OPRM1: variants seen among roughly 807,000 people sequenced by gnomAD.
OPRM1 encodes mu-type opioid receptor.
OPRM1 carries 27 observed loss-of-function variants against 31.8 expected under a neutral mutation model. The observed-to-expected ratio is 0.85, with a 90% CI of 0.63 to 1.17. The LOEUF (loss-of-function observed/expected upper bound fraction) is 1.17, where lower values mean the gene tolerates loss of function less well. OPRM1 is among the 50% of genes most tolerant of loss of function. The probability of loss-of-function intolerance (pLI) is 0.00; values close to 1 mark genes in which losing one functional copy is unlikely to be tolerated. For missense variants in OPRM1, 536 were observed against 511.1 expected, an observed-to-expected ratio of 1.05 and a Z score of -0.47; for synonymous variants, 196 against 189.9, an observed-to-expected ratio of 1.03 and a Z score of -0.26.
At chr6:154,097,103 C>G (rs80105083) in intron 3 of OPRM1, among the ~76,000 whole-genome samples, 2,095 of 152,184 alleles carry the variant, frequency 0.014, 54 homozygotes, top group African/African-American at 0.048. Context: ...TTGGAAAAAG[C>G]CTTAATATTC....
At chr6:154,199,826 G>A (rs1326320692) in intron 3 of OPRM1, 2 of 1,614,086 alleles carry the variant, frequency 1.2e-6, no homozygotes, top group African/African-American at 2.7e-5. Flanking sequence ...GCCTGCCTCT[G>A]AGGGTACAGG....
At chr6:154,214,979 A>C (rs927576460) in intron 3 of OPRM1, among the ~76,000 whole-genome samples, 11 of 152,226 alleles carry the variant, frequency 7.2e-5, no homozygotes, top group Non-Finnish European at 1.6e-4. Context: ...ATCTTGAAAC[A>C]CAAATTTTTA....
chr6:154,122,318 T>C lies in OPRM1; in HGVS notation c.*3597T>C, dbSNP rs2128527437. On this transcript the variant is annotated 3_prime_UTR_variant, in exon 4 of 4. Transcript: ENST00000330432. ...AGAAACATCAAGATTCTTGCCTGGATTCTCAACATAAGTCTTTACTCACAG... is the reference window on the plus strand; with the variant it reads ...AGAAACATCAAGATTCTTGCCTGGACTCTCAACATAAGTCTTTACTCACAG... Among the ~76,000 whole-genome samples, 1 of 152,346 alleles carries C rather than the reference T, an allele frequency of 6.6e-6. No homozygotes were observed. The highest frequency in any genetic ancestry group is 1.9e-4 in the East Asian group (1 of 5,190).
chr6:154,202,884 CG>C (rs1449490784), intron 3 of OPRM1, among the ~76,000 whole-genome samples: 2 of 151,946 alleles, frequency 1.3e-5, no homozygotes, highest in East Asian at 3.8e-4. Flanking sequence ...AGAAGAAACA[CG>C]AAGACTTGGA....
chr6:154,159,917 G>A (rs979511447), intron 3 of OPRM1: 9 of 1,613,470 alleles, frequency 5.6e-6, no homozygotes, highest in African/African-American at 2.7e-5. Flanking sequence ...GGCGAAGCCC[G>A]CTGCTGCTGA....
intron 1 of OPRM1, chr6:154,086,717 C>A (rs1255265680): frequency 1.0e-6 from 1 of 984,926 alleles, no homozygotes. Flanking sequence ...GTAAAGAAAC[C>A]AATTACTTAA....
chr6:154,154,152 CAAG>C (rs1798621069), intron 3 of OPRM1, among the ~76,000 whole-genome samples: 1 of 152,082 alleles, frequency 6.6e-6, no homozygotes, highest in South Asian at 2.1e-4. Flanking sequence ...AGACAGCAGT[CAAG>C]GAGCATGAAT....
chr6:154,110,534 T>C (rs1052845860), intron 3 of OPRM1: 4 of 677,424 alleles, frequency 5.9e-6, no homozygotes, highest in Non-Finnish European at 1.0e-5. Flanking sequence ...GGGTTGCTTA[T>C]GGTTGCTTAA....
At chr6:154,055,191 C>T (rs1237740166) in intron 1 of OPRM1, among the ~76,000 whole-genome samples, 4 of 152,114 alleles carry the variant, frequency 2.6e-5, no homozygotes, top group Admixed American at 6.6e-5. Flanking sequence ...ACTTCAAGAC[C>T]GGCCTGGCCA....
chr6:154,141,256 C>G (rs566842910), intron 3 of OPRM1, among the ~76,000 whole-genome samples: 1 of 152,186 alleles, frequency 6.6e-6, no homozygotes, highest in Non-Finnish European at 1.5e-5. Flanking sequence ...ATAAATCACC[C>G]GCTTATCCCA....
intron 3 of OPRM1, chr6:154,154,491 A>G (rs2128542912): frequency 6.6e-6 from 1 of 152,328 alleles, no homozygotes; most frequent in South Asian, 2.1e-4. Flanking sequence ...TATTGTTGAA[A>G]CAGATTTCCA....
At chr6:154,161,411 A>G (rs1167644606) in intron 3 of OPRM1, among the ~76,000 whole-genome samples, 3 of 152,010 alleles carry the variant, frequency 2.0e-5, no homozygotes, top group Non-Finnish European at 4.4e-5. Context: ...GGGTTTCGCC[A>G]TGTTGACCAA....
chr6:154,167,363 T>C (rs1799525029), intron 3 of OPRM1, among the ~76,000 whole-genome samples: 1 of 152,226 alleles, frequency 6.6e-6, no homozygotes, highest in Non-Finnish European at 1.5e-5. Flanking sequence ...GCTGGTCTAT[T>C]ACCACAGAGT....
chr6:154,050,229 G>T (rs1781921697), intron 1 of OPRM1, among the ~76,000 whole-genome samples: 1 of 152,032 alleles, frequency 6.6e-6, no homozygotes, highest in African/African-American at 2.4e-5. Context: ...GTTCAATTTT[G>T]GTAGGTTGTA....
At chr6:154,075,730 C>A (rs188572569) in intron 1 of OPRM1, among the ~76,000 whole-genome samples, 1 of 152,212 alleles carries the variant, frequency 6.6e-6, no homozygotes, top group East Asian at 1.9e-4. Flanking sequence ...TTCGAGTGCT[C>A]CTATGCAGAG....
intron 1 of OPRM1, among the ~76,000 whole-genome samples, chr6:154,062,702 G>A (rs961281120): frequency 2.0e-5 from 3 of 151,954 alleles, no homozygotes; most frequent in Non-Finnish European, 4.4e-5. Flanking sequence ...TATAAATCAA[G>A]ATCTACAGGA....
intron 3 of OPRM1, among the ~76,000 whole-genome samples, chr6:154,141,457 G>A (rs900554361): frequency 1.6e-4 from 24 of 152,278 alleles, no homozygotes; most frequent in African/African-American, 4.8e-4. Flanking sequence ...GTCTGAAGTC[G>A]GCAGAGCTCT....
At chr6:154,100,193 C>CATAATATATATTATCATATTATGACAT in intron 3 of OPRM1, among the ~76,000 whole-genome samples, 1 of 126,676 alleles carries the variant, frequency 7.9e-6, no homozygotes, top group Non-Finnish European at 1.6e-5. Flanking sequence ...TATGACATAT[C>CATAATATATATTATCATATTATGACAT]ATAATATATA....
At chr6:154,132,757 C>T (rs141492805), downstream of OPRM1, among the ~76,000 whole-genome samples, 5 of 152,280 alleles carry the variant, frequency 3.3e-5, no homozygotes, top group East Asian at 9.6e-4. Flanking sequence ...AGGTGAAATT[C>T]AGAGCATGCT....
Sources: allele counts gnomAD v4.1 joint callset (sites outside exome capture counted in the v4.1 genomes callset), GRCh38; gene constraint gnomAD v4.1.1; transcripts MANE v1.5; gene names NCBI Gene and HGNC (gene_info 2026-07-23, HGNC 2026-07-21).